The following HPSE2 variants were observed in gnomAD, a reference collection of about 807,000 sequenced individuals.
The protein encoded by HPSE2 is heparanase 2 (inactive), also known as inactive heparanase-2.
HPSE2 carries 38 observed loss-of-function variants against 60.5 expected under a neutral mutation model. That is an observed-to-expected ratio of 0.63 (90% CI 0.48 to 0.82). The LOEUF is 0.82. Ranked by LOEUF, HPSE2 falls within the 40% of genes least tolerant of loss-of-function variation. HPSE2 has a pLI of 0.00. For synonymous variants in HPSE2, 295 were observed against 293.2 expected, an observed-to-expected ratio of 1.01 and a Z score of -0.06; for missense variants, 713 against 740.4, an observed-to-expected ratio of 0.96 and a Z score of 0.43.
At chr10:99,314,343 TG>T in the HPSE2 span, among the ~76,000 whole-genome samples, 2 of 151,982 alleles carry the variant, frequency 1.3e-5, no homozygotes, top group Middle Eastern at 3.2e-3. Context: ...TTGTATTTTT[TG>T]TAGAGACAGG....
chr10:99,244,818 A>C, the HPSE2 span, among the ~76,000 whole-genome samples: 1 of 152,024 alleles, frequency 6.6e-6, no homozygotes. Context: ...CAGCTGACAG[A>C]CTTTAGTAGT....
At chr10:98,984,368 A>C (rs1441152124) in intron 3 of HPSE2, among the ~76,000 whole-genome samples, 3 of 152,218 alleles carry the variant, frequency 2.0e-5, no homozygotes, top group African/African-American at 7.2e-5. Context: ...TGCTGCTGAT[A>C]CCCAGGCAAA....
chr10:98,985,910 G>T (rs1185055461), intron 3 of HPSE2, among the ~76,000 whole-genome samples: 2 of 152,094 alleles, frequency 1.3e-5, no homozygotes, highest in East Asian at 3.9e-4. Context: ...ATTACATAAT[G>T]GTAAAGGGAT....
chr10:98,532,262 G>A (rs559123006), intron 9 of HPSE2, among the ~76,000 whole-genome samples: 14 of 152,130 alleles, frequency 9.2e-5, no homozygotes, highest in Non-Finnish European at 1.5e-4. Context: ...TGTTATGTAC[G>A]AAGCTTCAGA....
At chr10:98,982,532 A>C (rs188675718) in intron 3 of HPSE2, among the ~76,000 whole-genome samples, 1 of 152,322 alleles carries the variant, frequency 6.6e-6, no homozygotes, top group East Asian at 1.9e-4. Context: ...TCTTGATATG[A>C]AGGAAGAATC....
intron 5 of HPSE2, among the ~76,000 whole-genome samples, chr10:98,714,449 C>T (rs1465755420): frequency 6.6e-6 from 1 of 151,836 alleles, no homozygotes; most frequent in African/African-American, 2.4e-5. Flanking sequence ...ATAAAAGGAA[C>T]CATACAATGT....
chr10:98,495,097 T>C (rs1941786914), intron 9 of HPSE2, among the ~76,000 whole-genome samples: 1 of 152,168 alleles, frequency 6.6e-6, no homozygotes, highest in Non-Finnish European at 1.5e-5. Flanking sequence ...TCAGCTTTTC[T>C]TTATTTGAGA....
chr10:98,807,417 A>G (rs1375591014), intron 3 of HPSE2, among the ~76,000 whole-genome samples: 2 of 152,208 alleles, frequency 1.3e-5, no homozygotes, highest in East Asian at 1.9e-4. Flanking sequence ...ATTTTCATCC[A>G]AATTGGTATG....
intron 3 of HPSE2, among the ~76,000 whole-genome samples, chr10:98,955,596 C>G (rs917251453): frequency 7.9e-5 from 12 of 152,052 alleles, no homozygotes; most frequent in Non-Finnish European, 1.8e-4. Flanking sequence ...CCCAGCAATC[C>G]CATTACTAGG....
rs376678853 is a variant in HPSE2, at chr10:99,131,371, AAC to A, written c.610+12865_610+12866del. Among the ~76,000 whole-genome samples the A allele has an allele frequency of 4.6e-3, 697 of 152,316 alleles. 4 individuals are homozygous for A. The highest frequency in any genetic ancestry group is 0.016 in the African/African-American group (667 of 41,578). The stretch of plus-strand genomic sequence containing the variant: ...GAGGAAAGGAAGTCATTATTTGAAA[AAC>A]ACACTTGCACATGCATTTTATAGCA... On this transcript the variant is annotated intron_variant, in intron 3 of 11. Coordinates refer to ENST00000370552, the MANE Select transcript of HPSE2 (RefSeq NM_021828.5).
At chr10:99,208,278 C>T (rs1848828733) in intron 2 of HPSE2, among the ~76,000 whole-genome samples, 1 of 151,802 alleles carries the variant, frequency 6.6e-6, no homozygotes, top group Non-Finnish European at 1.5e-5. Context: ...GAAGACAAGA[C>T]AGGAAGAAAG....
rs150050260 is a variant in HPSE2 at position 99,164,952 on chromosome 10, G to A, written c.449-20553C>T. 7.6e-4 allele frequency among the ~76,000 whole-genome samples: 116 copies of A among 151,974 alleles called. 1 individual carries two copies. The East Asian group carries it at 0.018, about 24-fold the overall frequency. ...TAAAAAATTAGCTGGGCATGGTGGCGCACGCCTGCGGTCCCAGCTACTCGG... is the reference window on the plus strand; with the variant it reads ...TAAAAAATTAGCTGGGCATGGTGGCACACGCCTGCGGTCCCAGCTACTCGG... On this transcript the variant is annotated intron_variant, in intron 2 of 11. Coordinates refer to ENST00000370552, the MANE Select transcript of HPSE2 (RefSeq NM_021828.5).
At chr10:98,845,663 G>GT (rs1446399209) in intron 3 of HPSE2, among the ~76,000 whole-genome samples, 1 of 152,192 alleles carries the variant, frequency 6.6e-6, no homozygotes, top group Non-Finnish European at 1.5e-5. Flanking sequence ...TGTTTTGTTT[G>GT]TAAGTGAGCC....
intron 3 of HPSE2, among the ~76,000 whole-genome samples, chr10:98,844,622 C>T (rs887064725): frequency 1.3e-5 from 2 of 152,092 alleles, no homozygotes; most frequent in African/African-American, 4.8e-5. Flanking sequence ...ATGTCCACAC[C>T]AGGTTATCAA....
At chr10:99,050,973 A>G (rs1012158105) in intron 3 of HPSE2, among the ~76,000 whole-genome samples, 8 of 151,340 alleles carry the variant, frequency 5.3e-5, no homozygotes, top group Non-Finnish European at 1.0e-4. Context: ...GTGTGTGTGT[A>G]TGGAAAAAAT....
At chr10:99,270,591 A>G in the HPSE2 span, among the ~76,000 whole-genome samples, 25,368 of 152,144 alleles carry the variant, frequency 0.17, 3,227 homozygotes, top group African/African-American at 0.35. Context: ...TCCTACTGAC[A>G]CTATTCCACA....
chr10:99,285,552 G>A, the HPSE2 span, among the ~76,000 whole-genome samples: 289 of 147,996 alleles, frequency 2.0e-3, 1 homozygote, highest in African/African-American at 6.7e-3. Flanking sequence ...AAGGGAGGAG[G>A]GAGGGGAAGG....
chr10:98,889,791 C>A (rs1215843275), intron 3 of HPSE2, among the ~76,000 whole-genome samples: 1 of 152,018 alleles, frequency 6.6e-6, no homozygotes, highest in Non-Finnish European at 1.5e-5. Context: ...TATGGGGTAC[C>A]TTTTGCTTCT....
At chr10:98,625,821 G>A (rs1946191863) in intron 7 of HPSE2, among the ~76,000 whole-genome samples, 2 of 152,118 alleles carry the variant, frequency 1.3e-5, no homozygotes, top group South Asian at 4.1e-4. Context: ...CACATGAATA[G>A]GCCGGGCGTG....
Sources: allele counts gnomAD v4.1 joint callset (sites outside exome capture counted in the v4.1 genomes callset), GRCh38; gene constraint gnomAD v4.1.1; transcripts MANE v1.5; gene names NCBI Gene and HGNC (gene_info 2026-07-23, HGNC 2026-07-21).